The following EPHB1 variants were observed in gnomAD, a reference collection of about 807,000 sequenced individuals.
EPHB1 encodes EPH receptor B1, also known as ephrin type-B receptor 1.
EPHB1 carries 30 observed loss-of-function variants against 94.4 expected under a neutral mutation model. The ratio of observed to expected loss-of-function variants is 0.32; its 90% CI spans 0.24 to 0.43. The LOEUF (loss-of-function observed/expected upper bound fraction) is 0.43. Ranked by LOEUF, EPHB1 falls within the 20% of genes least tolerant of loss-of-function variation. The probability of loss-of-function intolerance (pLI) is 1.00; values close to 1 mark genes in which losing one functional copy is unlikely to be tolerated. For synonymous variants in EPHB1, 522 were observed against 489.1 expected (o/e 1.07, Z -0.89); for missense variants, 1,055 against 1,308.3 (o/e 0.81, Z 2.99).
chr3:134,944,138 C>G (rs930759093), intron 2 of EPHB1, among the ~76,000 whole-genome samples: 2 of 152,116 alleles, frequency 1.3e-5, no homozygotes, highest in African/African-American at 4.8e-5. Context: ...CCTCTATGGC[C>G]CCAGGCAAAT....
intron 11 of EPHB1, among the ~76,000 whole-genome samples, chr3:135,199,901 T>A (rs1942712606): frequency 6.6e-6 from 1 of 152,232 alleles, no homozygotes; most frequent in Non-Finnish European, 1.5e-5. Flanking sequence ...GTGAGTGCAT[T>A]GTGTAACATC....
At position 135,106,751 on chromosome 3, in the gene EPHB1, A is replaced by C. The variant is rs751685251; in HGVS notation, c.961+148A>C. 4.0e-6 allele frequency: 4 copies of C among 1,005,930 alleles called. No individual in the cohort carries two copies. In the East Asian group the frequency reaches 1.0e-4, roughly 26 times the overall value. The allele number at this position is 1,005,930 out of a possible 1,614,324, so 62.3% of individuals were successfully genotyped here. A position where few individuals can be genotyped will look rare whatever the true frequency, so the allele number is the denominator to read the frequency against. On this transcript the variant is annotated intron_variant, in intron 4 of 15. Coordinates refer to ENST00000398015, the MANE Select transcript of EPHB1 (RefSeq NM_004441.5). Reference sequence around the variant, plus strand: ...CATGGTGCTGAAACATACAACTCCTATGCTCGGAGTTCAGAGGCCTTGTCC... The same window carrying C: ...CATGGTGCTGAAACATACAACTCCTCTGCTCGGAGTTCAGAGGCCTTGTCC...
intron 3 of EPHB1, among the ~76,000 whole-genome samples, chr3:134,967,820 A>G (rs1318109636): frequency 7.5e-6 from 1 of 133,500 alleles, no homozygotes; most frequent in Non-Finnish European, 1.6e-5. Flanking sequence ...TTTTAAGGTG[A>G]TGGATGCACA....
intron 3 of EPHB1, among the ~76,000 whole-genome samples, chr3:134,957,022 T>C (rs1215184584): frequency 6.6e-6 from 1 of 152,214 alleles, no homozygotes; most frequent in Non-Finnish European, 1.5e-5. Context: ...TTGAATGTTA[T>C]GGCTCACATG....
At chr3:135,048,580 C>T (rs1016397197) in intron 3 of EPHB1, among the ~76,000 whole-genome samples, 1 of 152,118 alleles carries the variant, frequency 6.6e-6, no homozygotes, top group Non-Finnish European at 1.5e-5. Flanking sequence ...AAAAATACTC[C>T]CCTCTTGCCA....
intron 3 of EPHB1, among the ~76,000 whole-genome samples, chr3:134,987,468 G>T (rs1031303071): frequency 6.6e-6 from 1 of 152,126 alleles, no homozygotes; most frequent in Non-Finnish European, 1.5e-5. Flanking sequence ...ACACAGAAAA[G>T]ACCATGTGAG....
chr3:134,860,150 G>GACACACACACACAGAC (rs2037217721), intron 1 of EPHB1, among the ~76,000 whole-genome samples: 1 of 142,814 alleles, frequency 7.0e-6, no homozygotes, highest in Non-Finnish European at 1.5e-5. Flanking sequence ...AGAAGGAAGG[G>GACACACACACACAGAC]ACACACACAC....
intron 7 of EPHB1, among the ~76,000 whole-genome samples, chr3:135,164,756 C>T (rs1274755753): frequency 7.0e-6 from 1 of 143,636 alleles, no homozygotes; most frequent in Non-Finnish European, 1.5e-5. Flanking sequence ...TTACAGTGAG[C>T]CAAGATTGTG....
intron 1 of EPHB1, among the ~76,000 whole-genome samples, chr3:134,831,703 G>C (rs60326162): frequency 6.6e-5 from 10 of 152,178 alleles, no homozygotes; most frequent in Non-Finnish European, 1.5e-4. Context: ...CCTGCCTTCA[G>C]GCCACTGTGG....
At chr3:135,111,357 G>A (rs1024071978) in intron 4 of EPHB1, among the ~76,000 whole-genome samples, 1 of 152,194 alleles carries the variant, frequency 6.6e-6, no homozygotes, top group African/African-American at 2.4e-5. Context: ...TAACTCTGAA[G>A]GCTGTGAAAG....
Position 135,258,541 on chromosome 3 carries a change from G to A in EPHB1, c.2847-471G>A, listed in dbSNP as rs559108397. Among the ~76,000 whole-genome samples the A allele has an allele frequency of 1.4e-4, 22 of 152,222 alleles. No individual in the cohort carries two copies. In the South Asian group the frequency reaches 4.6e-3, roughly 32 times the overall value. On this transcript the variant is annotated intron_variant, in intron 15 of 15. Coordinates refer to ENST00000398015, the MANE Select transcript of EPHB1 (RefSeq NM_004441.5). ...AAAATGCATACATTAAAATTCACAT[G>A]GAGGCAGCAAATGGAAACTCAGGGG...
chr3:135,169,125 G>T (rs930718264), intron 9 of EPHB1, among the ~76,000 whole-genome samples: 6 of 152,138 alleles, frequency 3.9e-5, no homozygotes, highest in Non-Finnish European at 1.5e-5. Context: ...CTTCCAAAAT[G>T]CTCACAGCTA....
At chr3:135,125,676 G>C (rs904402671) in intron 4 of EPHB1, among the ~76,000 whole-genome samples, 6 of 109,004 alleles carry the variant, frequency 5.5e-5, no homozygotes, top group Admixed American at 4.4e-4. Context: ...ACATGAAGCT[G>C]AATTCATGTT....
intron 12 of EPHB1, among the ~76,000 whole-genome samples, chr3:135,219,300 A>T (rs1943225676): frequency 6.6e-6 from 1 of 152,122 alleles, no homozygotes; most frequent in South Asian, 2.1e-4. Flanking sequence ...GCACCTGTGA[A>T]TGTGACCTTA....
chr3:135,025,355 TC>T (rs1936124985), intron 3 of EPHB1, among the ~76,000 whole-genome samples: 1 of 54,842 alleles, frequency 1.8e-5, no homozygotes, highest in Non-Finnish European at 3.3e-5. Context: ...ATGCTATCCC[TC>T]CCCCCTCCCC....
At chr3:135,109,554 G>A (rs898387788) in intron 4 of EPHB1, among the ~76,000 whole-genome samples, 1 of 152,244 alleles carries the variant, frequency 6.6e-6, no homozygotes, top group African/African-American at 2.4e-5. Flanking sequence ...CAGCATGAGA[G>A]GATGTTGGAT....
intron 15 of EPHB1, 58 bp from the exon 16 acceptor site, chr3:135,258,954 A>T: frequency 1.5e-6 from 2 of 1,345,632 alleles, no homozygotes; most frequent in Non-Finnish European, 2.1e-6. Flanking sequence ...ATGAGTTTTG[A>T]TCTGCGAAAA....
chr3:135,134,904 C>T (rs1240068329), intron 5 of EPHB1, among the ~76,000 whole-genome samples: 1 of 152,122 alleles, frequency 6.6e-6, no homozygotes, highest in African/African-American at 2.4e-5. Context: ...CCTCCCTTCT[C>T]TTACCCTGCT....
At chr3:134,889,488 C>G (rs184041774) in intron 1 of EPHB1, among the ~76,000 whole-genome samples, 1 of 152,154 alleles carries the variant, frequency 6.6e-6, no homozygotes, top group East Asian at 1.9e-4. Flanking sequence ...AGATATCCCT[C>G]TGGAAAAAGA....
Sources: gnomAD v4.1 joint callset for allele counts (sites outside exome capture counted in the v4.1 genomes callset) on GRCh38, gnomAD v4.1.1 for gene constraint, MANE v1.5 for transcripts, NCBI Gene and HGNC (gene_info 2026-07-23, HGNC 2026-07-21) for gene names.